The following TUSC3 variants were observed in gnomAD, a reference collection of about 807,000 sequenced individuals.
TUSC3 encodes tumor suppressor candidate 3.
In TUSC3, 45 loss-of-function variants were observed where a neutral mutation model predicts 44.8. The ratio of observed to expected loss-of-function variants is 1.00; its 90% CI spans 0.79 to 1.29. The LOEUF (loss-of-function observed/expected upper bound fraction) is 1.29, where lower values mean the gene tolerates loss of function less well. Ranked by LOEUF, TUSC3 falls within the 50% of genes most tolerant of loss-of-function variation. The pLI is 0.00. For synonymous variants in TUSC3, 212 were observed against 152.9 expected, an observed-to-expected ratio of 1.39 and a Z score of -2.85; for missense variants, 519 against 437.9, an observed-to-expected ratio of 1.19 and a Z score of -1.65.
At chr8:15,430,772 T>C (rs982942782) in intron 1 of TUSC3, among the ~76,000 whole-genome samples, 4 of 151,692 alleles carry the variant, frequency 2.6e-5, no homozygotes, top group Non-Finnish European at 5.9e-5. Flanking sequence ...ATAAGCAACT[T>C]CAGCAAAATC....
chr8:15,844,536 A>G, the TUSC3 span, among the ~76,000 whole-genome samples: 1 of 152,206 alleles, frequency 6.6e-6, no homozygotes, highest in Non-Finnish European at 1.5e-5. Flanking sequence ...TTAGAAAAAG[A>G]TCACATGTCC....
At chr8:15,445,700 C>G (rs905859766) in intron 1 of TUSC3, among the ~76,000 whole-genome samples, 1 of 152,212 alleles carries the variant, frequency 6.6e-6, no homozygotes, top group Non-Finnish European at 1.5e-5. Context: ...AAAATGGAGT[C>G]TCCTATGTCT....
At chr8:15,748,303 T>C in intron 8 of TUSC3, 72 bp from the exon 9 acceptor site, 1 of 1,171,222 alleles carries the variant, frequency 8.5e-7, no homozygotes. Flanking sequence ...TTGAATGCAT[T>C]TAAAAATATA....
At position 15,423,978 on chromosome 8, in the gene TUSC3, T is replaced by TG. The variant is rs1563247184; in HGVS notation, n.91+6673_91+6674insG. On this transcript the variant is annotated intron_variant and non_coding_transcript_variant, in intron 1 of 5. Transcript: ENST00000503191. ...CATACTGTTTTGCTTTGTTTTTTTT[T>TG]TTTTTTTTTTTTTTTTTTTTTTTTT... 6.7e-3 allele frequency among the ~76,000 whole-genome samples: 714 copies of TG among 106,732 alleles called. 33 individuals carry two copies. The highest frequency in any genetic ancestry group is 9.8e-3 in the South Asian group (28 of 2,864). The allele number at this position is 106,732 out of a possible 152,430, so 70.0% of individuals were successfully genotyped here.
intron 6 of TUSC3, among the ~76,000 whole-genome samples, chr8:15,678,026 CT>C (rs1220534789): frequency 1.3e-5 from 2 of 152,116 alleles, no homozygotes; most frequent in Non-Finnish European, 2.9e-5. Flanking sequence ...GAAACTGAGT[CT>C]AGGAAGGAAA....
the TUSC3 span, among the ~76,000 whole-genome samples, chr8:15,779,515 G>A: frequency 1.8e-4 from 28 of 152,106 alleles, no homozygotes; most frequent in African/African-American, 4.6e-4. Context: ...TCTAAACGTC[G>A]TCACACTGCT....
intron 1 of TUSC3, among the ~76,000 whole-genome samples, chr8:15,446,798 C>T (rs192733525): frequency 2.3e-4 from 34 of 146,032 alleles, no homozygotes; most frequent in African/African-American, 8.1e-4. Context: ...GAATAATTTA[C>T]AGATTAAATA....
chr8:15,705,310 T>C (rs1216390827), intron 6 of TUSC3, among the ~76,000 whole-genome samples: 2 of 152,034 alleles, frequency 1.3e-5, no homozygotes, highest in Admixed American at 6.6e-5. Context: ...AAGATTTACT[T>C]TGAACAAAAA....
intron 1 of TUSC3, among the ~76,000 whole-genome samples, chr8:15,462,305 C>G (rs1462465674): frequency 6.6e-6 from 1 of 151,994 alleles, no homozygotes; most frequent in Non-Finnish European, 1.5e-5. Flanking sequence ...ACAACTATTA[C>G]AACTCAATAA....
chr8:15,505,069 A>G (rs1801035138), intron 2 of TUSC3, among the ~76,000 whole-genome samples: 1 of 152,190 alleles, frequency 6.6e-6, no homozygotes, highest in South Asian at 2.1e-4. Flanking sequence ...GCAGGAATCT[A>G]GAAATTCCAC....
At chr8:15,562,605 C>T (rs919127012) in intron 1 of TUSC3, among the ~76,000 whole-genome samples, 8 of 152,068 alleles carry the variant, frequency 5.3e-5, no homozygotes, top group African/African-American at 9.7e-5. Context: ...GACCGGGTTG[C>T]GTTCTTTTCT....
chr8:15,425,935 G>C (rs1799798157), intron 1 of TUSC3, among the ~76,000 whole-genome samples: 1 of 152,168 alleles, frequency 6.6e-6, no homozygotes, highest in African/African-American at 2.4e-5. Context: ...AGGATCGCTT[G>C]AGCCCAGGAG....
intron 1 of TUSC3, among the ~76,000 whole-genome samples, chr8:15,565,374 T>G (rs901837292): frequency 2.0e-5 from 3 of 152,152 alleles, no homozygotes; most frequent in Non-Finnish European, 4.4e-5. Flanking sequence ...ATCATTTGTT[T>G]AGTCACATCT....
intron 1 of TUSC3, among the ~76,000 whole-genome samples, chr8:15,470,290 G>A (rs2129122919): frequency 6.6e-6 from 1 of 150,552 alleles, no homozygotes; most frequent in Non-Finnish European, 1.5e-5. Context: ...TGGTTGCCAA[G>A]GGTTCAAGGA....
chr8:15,721,277 A>C (rs1810296124), intron 6 of TUSC3, among the ~76,000 whole-genome samples: 1 of 152,128 alleles, frequency 6.6e-6, no homozygotes, highest in South Asian at 2.1e-4. Context: ...CATTTCTTAG[A>C]CAATCACAAG....
intron 2 of TUSC3, among the ~76,000 whole-genome samples, chr8:15,492,981 C>A (rs74916006): frequency 6.6e-6 from 1 of 151,918 alleles, no homozygotes; most frequent in African/African-American, 2.4e-5. Context: ...CAGAGAAAGA[C>A]CCTGTCTCAA....
intron 5 of TUSC3, among the ~76,000 whole-genome samples, chr8:15,669,945 A>C (rs1286036461): frequency 6.6e-6 from 1 of 151,778 alleles, no homozygotes; most frequent in Non-Finnish European, 1.5e-5. Flanking sequence ...AAATTGGGTA[A>C]GGTTAATGAA....
chr8:15,763,379 ATGT>A (rs1478494751), intron 10 of TUSC3, among the ~76,000 whole-genome samples: 1 of 151,378 alleles, frequency 6.6e-6, no homozygotes, highest in African/African-American at 2.4e-5. Context: ...TTCCAGCTAC[ATGT>A]TTTTTTTTTG....
chr8:15,517,534 A>G (rs992865270), intron 2 of TUSC3, among the ~76,000 whole-genome samples: 4 of 62,550 alleles, frequency 6.4e-5, no homozygotes. Flanking sequence ...AAAAAAAAAA[A>G]AAAAAAAAAA....
Sources: allele counts gnomAD v4.1 joint callset (sites outside exome capture counted in the v4.1 genomes callset), GRCh38; gene constraint gnomAD v4.1.1; transcripts MANE v1.5; gene names NCBI Gene and HGNC (gene_info 2026-07-23, HGNC 2026-07-21).